ABCA8: variants seen among roughly 807,000 people sequenced by gnomAD.
ABCA8 encodes ATP binding cassette subfamily A member 8, also known as ABC-type organic anion transporter ABCA8.
In ABCA8, 177 loss-of-function variants were observed where a neutral mutation model predicts 192.3. The observed-to-expected ratio is 0.92, with a 90% CI of 0.81 to 1.04. ABCA8 has a LOEUF of 1.04. Ranked by LOEUF, ABCA8 falls within the 50% of genes least tolerant of loss-of-function variation. ABCA8 has a pLI of 0.00. For synonymous variants in ABCA8, 642 were observed against 690.2 expected (o/e 0.93, Z 1.09); for missense variants, 1,915 against 1,904.8 (o/e 1.01, Z -0.10).
chr17:68,887,632 T>A, intron 24 of ABCA8, 126 bp from the exon 25 acceptor site: 2 of 785,934 alleles, frequency 2.5e-6, no homozygotes, highest in Non-Finnish European at 4.0e-6. Flanking sequence ...TAATCTGGAC[T>A]AAGGGATGTG....
chr17:68,923,297 C>T (rs1437129434), intron 11 of ABCA8, among the ~76,000 whole-genome samples: 1 of 151,478 alleles, frequency 6.6e-6, no homozygotes, highest in African/African-American at 2.4e-5. Context: ...CCTCCTGAGT[C>T]CAAGCGATTC....
chr17:68,944,309 CT>C (rs1354352294), intron 2 of ABCA8, among the ~76,000 whole-genome samples: 24 of 71,534 alleles, frequency 3.4e-4, no homozygotes, highest in African/African-American at 1.2e-3. Context: ...TAGCCCAGAA[CT>C]TAAAGTTATA....
At chr17:68,898,568 A>G (rs943506363) in intron 21 of ABCA8, among the ~76,000 whole-genome samples, 4 of 152,160 alleles carry the variant, frequency 2.6e-5, no homozygotes, top group African/African-American at 9.6e-5. Context: ...TTGGTAGTAT[A>G]ATGCGTATTT....
At chr17:68,895,717 G>A (rs1438629328) in intron 21 of ABCA8, among the ~76,000 whole-genome samples, 1 of 152,132 alleles carries the variant, frequency 6.6e-6, no homozygotes, top group Non-Finnish European at 1.5e-5. Flanking sequence ...CAGGGCTATA[G>A]TATCTTCACG....
Position 68,924,742 on chromosome 17 carries a change from A to G in ABCA8, c.1401T>C (p.Phe467=), listed in dbSNP as rs756262567. The G allele has an allele frequency of 3.7e-6, 6 of 1,614,080 alleles. No individual in the cohort carries two copies. Among genetic ancestry groups the G allele is most frequent in the Non-Finnish European group, 5.1e-6 (6 of 1,179,978 alleles). Residue 467 remains phenylalanine, a synonymous_variant, in exon 11 of 40, where the codon TTT becomes TTC. Transcript: ENST00000586539. ...CTTGGAATTCTGGAGGCGCTTGTTCAAAAGAGTCATGAAATGAAGGATCGG... is the reference window on the plus strand; with the variant it reads ...CTTGGAATTCTGGAGGCGCTTGTTCGAAAGAGTCATGAAATGAAGGATCGG... ...MDADPSFHDS[F]EQAPPEFQGK...
chr17:68,899,078 A>G (rs1285892485), intron 21 of ABCA8, among the ~76,000 whole-genome samples: 1 of 152,084 alleles, frequency 6.6e-6, no homozygotes, highest in South Asian at 2.1e-4. Context: ...CACCAAGAAC[A>G]TAATTCAAAA....
At position 68,913,660 on chromosome 17, in the gene ABCA8, T is replaced by C. The variant is rs936307067; in HGVS notation, c.2138+3701A>G. On this transcript the variant is annotated intron_variant, in intron 17 of 39. Transcript: ENST00000586539. ...AGAAATGGACAAATTCCTAGACACG[T>C]ACAATCTACCAAGATTGAACCGTGA... Among the ~76,000 whole-genome samples, 6 of 152,188 alleles carry C rather than the reference T, an allele frequency of 3.9e-5. No homozygotes were observed. The East Asian group carries it at 9.7e-4, about 24-fold the overall frequency.
Position 68,882,721 on chromosome 17 carries a change from T to C in ABCA8, c.3708-2A>G. On this transcript the variant is annotated splice_acceptor_variant, in intron 29 of 39. Coordinates refer to ENST00000586539, the MANE Select transcript of ABCA8 (RefSeq NM_001288985.2). LOFTEE classifies it high-confidence loss of function. ...ACATCACTACTTCTTGGAGAAATTCTAGAGTCAAAACCATCCATTAATATT... is the reference window on the plus strand; with the variant it reads ...ACATCACTACTTCTTGGAGAAATTCCAGAGTCAAAACCATCCATTAATATT... 1 of 1,610,154 alleles carries C rather than the reference T, an allele frequency of 6.2e-7. No homozygotes were observed. The highest frequency in any genetic ancestry group is 8.5e-7 in the Non-Finnish European group (1 of 1,178,900).
chr17:68,944,845 G>A (rs2068352182), intron 2 of ABCA8: 1 of 152,206 alleles, frequency 6.6e-6, no homozygotes, highest in South Asian at 2.1e-4. Context: ...AGCAGAGACA[G>A]GCTCTCACCA....
intron 9 of ABCA8, 105 bp from the exon 10 acceptor site, chr17:68,928,168 A>T: frequency 1.1e-6 from 1 of 930,426 alleles, no homozygotes; most frequent in Non-Finnish European, 1.5e-6. Flanking sequence ...CCTCATACTG[A>T]GAATAGAGTT....
Position 68,933,779 on chromosome 17 carries a change from A to T in ABCA8, c.467-508T>A, listed in dbSNP as rs145777308. 2.0e-5 allele frequency among the ~76,000 whole-genome samples: 3 copies of T among 152,296 alleles called. No individual in the cohort carries two copies. In the East Asian group the frequency reaches 5.8e-4, roughly 29 times the overall value. The stretch of plus-strand genomic sequence containing the variant: ...ATCTTTTGAAGAAAAGGATTTATTC[A>T]AAAAGAGCTGTCAGTCCATTTAATA... On this transcript the variant is annotated intron_variant, in intron 5 of 39. Transcript: ENST00000586539.
At chr17:68,924,922 G>C in intron 10 of ABCA8, 53 bp from the exon 11 acceptor site, 3 of 1,572,302 alleles carry the variant, frequency 1.9e-6, no homozygotes, top group Admixed American at 1.7e-5. Flanking sequence ...GTTAGGGAGA[G>C]AGAGTCACAG....
intron 7 of ABCA8, 141 bp from the exon 8 acceptor site, chr17:68,929,843 G>GATT (rs1243941409): frequency 2.6e-6 from 2 of 780,662 alleles, no homozygotes; most frequent in African/African-American, 3.5e-5. Flanking sequence ...GGTGTTCTAA[G>GATT]ATATATAAAT....
chr17:68,928,739 A>G (rs2067769397), intron 9 of ABCA8, among the ~76,000 whole-genome samples: 1 of 152,238 alleles, frequency 6.6e-6, no homozygotes, highest in South Asian at 2.1e-4. Context: ...AGGTAAAAAC[A>G]TGAACTGGAA....
At chr17:68,919,697 C>A in intron 13 of ABCA8, 1 of 436,532 alleles carries the variant, frequency 2.3e-6, no homozygotes, top group East Asian at 3.7e-5. Flanking sequence ...TTAGCTTTGC[C>A]TATATACCCT....
rs549717433 is a variant in ABCA8, at chr17:68,886,184, C to T, written c.3429+833G>A. ...TCCAAACCATCATTTTTATGGCTAT[C>T]AAAGTATTCTTCCTGCAAGTTTATC... On this transcript the variant is annotated intron_variant, in intron 26 of 39. Coordinates refer to ENST00000586539, the MANE Select transcript of ABCA8 (RefSeq NM_001288985.2). Among the ~76,000 whole-genome samples, 4 of 152,314 alleles carry T rather than the reference C, an allele frequency of 2.6e-5. No homozygotes were observed. In the South Asian group the frequency reaches 8.3e-4, roughly 32 times the overall value.
intron 35 of ABCA8, 56 bp downstream of exon 35, chr17:68,876,404 T>C (rs2066206201): frequency 6.2e-7 from 1 of 1,609,270 alleles, no homozygotes; most frequent in African/African-American, 1.3e-5. Context: ...GAAAAATGGT[T>C]CACAGGCTCC....
chr17:68,919,709 T>C lies in ABCA8; in HGVS notation c.1613-233A>G, dbSNP rs540804867. ...CATTTAGCTTTGCCTATATACCCTG[T>C]AGTATCCTAGCAAATGTGATACAAG... On this transcript the variant is annotated intron_variant, in intron 13 of 39. Transcript: ENST00000586539. 8.0e-5 allele frequency: 28 copies of C among 348,608 alleles called. No individual in the cohort carries two copies. In the South Asian group the frequency reaches 1.8e-3, roughly 23 times the overall value. 21.6% of individuals were successfully genotyped at this position (348,608 alleles called of 1,614,324 possible). A position where few individuals can be genotyped will look rare whatever the true frequency, so the allele number is the denominator to read the frequency against.
chr17:68,955,304 C>T lies in ABCA8; in HGVS notation c.-252G>A, dbSNP rs1476774482. The T allele has an allele frequency of 6.6e-6, 1 of 152,164 alleles. No homozygotes were observed. The highest frequency in any genetic ancestry group is 1.5e-5 in the Non-Finnish European group (1 of 68,030). 9.4% of individuals were successfully genotyped at this position (152,164 alleles called of 1,614,324 possible). A position where few individuals can be genotyped will look rare whatever the true frequency, so the allele number is the denominator to read the frequency against. The stretch of plus-strand genomic sequence containing the variant: ...AGAAGAAAGTTATTCATATTTTCTC[C>T]TGGTCTCTACCATGTATCTAGAATT... On this transcript the variant is annotated 5_prime_UTR_variant, in exon 1 of 40. Coordinates refer to ENST00000586539, the MANE Select transcript of ABCA8 (RefSeq NM_001288985.2).
Sources: allele counts gnomAD v4.1 joint callset (sites outside exome capture counted in the v4.1 genomes callset), GRCh38; gene constraint gnomAD v4.1.1; transcripts MANE v1.5; gene names NCBI Gene and HGNC (gene_info 2026-07-23, HGNC 2026-07-21).